Variants in DLC1 observed in about 807,000 individuals in gnomAD.
DLC1 encodes the protein rho GTPase-activating protein 7.
In DLC1, 54 loss-of-function variants were observed where a neutral mutation model predicts 140.3. That is an observed-to-expected ratio of 0.38 (90% CI 0.31 to 0.48). DLC1 has a LOEUF of 0.48. Ranked by LOEUF, DLC1 falls within the 20% of genes least tolerant of loss-of-function variation. DLC1 has a pLI of 0.96. For missense variants in DLC1, 2,536 were observed against 1,907.0 expected, an observed-to-expected ratio of 1.33 and a Z score of -6.14; for synonymous variants, 986 against 728.1, an observed-to-expected ratio of 1.35 and a Z score of -5.70.
chr8:13,522,022 AG>A lies in DLC1; in HGVS notation c.-125-21827del, dbSNP rs570814797. Among the ~76,000 whole-genome samples, 5 of 152,274 alleles carry A rather than the reference AG, an allele frequency of 3.3e-5. No individual in the cohort carries two copies. In the East Asian group the frequency reaches 9.7e-4, roughly 30 times the overall value. ...TTCCATTTGAAAGGAAAGACGGAGA[AG>A]GGTACATTTGTACTTTAACAGAAAT... On this transcript the variant is annotated intron_variant, in intron 1 of 1. Coordinates refer to the DLC1 transcript ENST00000631382.
In DLC1 at chr8:13,558,329, C is replaced by G. The variant is rs969407707; in HGVS notation, c.-126+46208G>C. The stretch of plus-strand genomic sequence containing the variant: ...GCTTGGAGAAGGGATTGAAGAGAAG[C>G]CGCCAGTTTGGGGATGTGTAGTTAT... On this transcript the variant is annotated intron_variant, in intron 1 of 1. Transcript: ENST00000631382. 5 of 152,092 alleles carry G rather than the reference C, an allele frequency of 3.3e-5. No individual in the cohort carries two copies. The South Asian group carries it at 1.0e-3, about 32-fold the overall frequency. 9.4% of individuals were successfully genotyped at this position (152,092 alleles called of 1,614,324 possible).
chr8:13,162,433 C>G (rs1824775036), intron 5 of DLC1, among the ~76,000 whole-genome samples: 1 of 152,168 alleles, frequency 6.6e-6, no homozygotes, highest in African/African-American at 2.4e-5. Flanking sequence ...AGAGATTTTC[C>G]TGCCTCAGCC....
At position 13,541,895 on chromosome 8, in the gene DLC1, A is replaced by C. The variant is rs897027995; in HGVS notation, c.-125-41699T>G. On this transcript the variant is annotated intron_variant, in intron 1 of 1. Coordinates refer to the DLC1 transcript ENST00000631382. ...TATTCTTTGGTGTAGTGTCAATCAA[A>C]TATTTTACCCAATTTTCTACTTGGG... is the stretch of plus-strand genomic sequence containing the variant. Among the ~76,000 whole-genome samples, 3 of 152,126 alleles carry C rather than the reference A, an allele frequency of 2.0e-5. No individual in the cohort carries two copies. In the East Asian group the frequency reaches 5.8e-4, roughly 29 times the overall value.
intron 2 of DLC1, among the ~76,000 whole-genome samples, chr8:13,498,239 C>G (rs1175543517): frequency 6.6e-6 from 1 of 152,198 alleles, no homozygotes; most frequent in Admixed American, 6.5e-5. Flanking sequence ...CTATAACTCA[C>G]TACAGTTTTT....
chr8:13,463,920 C>G (rs17219730), intron 2 of DLC1, among the ~76,000 whole-genome samples: 1,537 of 152,164 alleles, frequency 0.01, 12 homozygotes, highest in Non-Finnish European at 0.016. Context: ...ATTTCCTTGT[C>G]TGTAGCCCCA....
At chr8:13,248,195 C>T (rs1464087931) in intron 5 of DLC1, among the ~76,000 whole-genome samples, 1 of 152,196 alleles carries the variant, frequency 6.6e-6, no homozygotes, top group African/African-American at 2.4e-5. Context: ...CCCTTCTCTT[C>T]CCAGCCCCTT....
At chr8:13,196,753 G>A (rs1398102486) in intron 5 of DLC1, among the ~76,000 whole-genome samples, 4 of 152,198 alleles carry the variant, frequency 2.6e-5, no homozygotes, top group Non-Finnish European at 5.9e-5. Flanking sequence ...ACATACAAAT[G>A]TTGCACACCT....
At chr8:13,305,396 A>G in intron 4 of DLC1, 94 bp from the exon 5 acceptor site, 2 of 1,299,626 alleles carry the variant, frequency 1.5e-6, no homozygotes, top group Non-Finnish European at 2.1e-6. Flanking sequence ...ATGACGCAAA[A>G]ATTAAATAGA....
In DLC1 at chr8:13,091,309, A is replaced by G. The variant is rs551074291; in HGVS notation, c.3855+9T>C. On this transcript the variant is annotated intron_variant, in intron 14 of 17. Transcript: ENST00000276297. ...CTTAATAAAGGAGCCAAACTTCTCA[A>G]TTCCTTACCTGGAAAAGCTTCTTGC... 23 of 1,613,586 alleles carry G rather than the reference A, an allele frequency of 1.4e-5. No individual in the cohort carries two copies. Among genetic ancestry groups the G allele is most frequent in the Non-Finnish European group, 1.8e-5 (21 of 1,179,862 alleles).
chr8:13,598,789 G>C (rs1311960510), intron 1 of DLC1, among the ~76,000 whole-genome samples: 1 of 151,842 alleles, frequency 6.6e-6, no homozygotes, highest in East Asian at 1.9e-4. Flanking sequence ...CAACTCCCTA[G>C]TACATATTGT....
At chr8:13,123,700 T>C (rs1162772129) in intron 5 of DLC1, among the ~76,000 whole-genome samples, 3 of 152,170 alleles carry the variant, frequency 2.0e-5, no homozygotes, top group East Asian at 3.9e-4. Context: ...ACAAAACTTA[T>C]TATGTTTACT....
intron 1 of DLC1, among the ~76,000 whole-genome samples, chr8:13,535,856 A>T: frequency 6.6e-6 from 1 of 151,806 alleles, no homozygotes; most frequent in Non-Finnish European, 1.5e-5. Context: ...TCAGTATCCT[A>T]TATAGTTCCT....
chr8:13,282,915 T>C (rs1441274357), intron 5 of DLC1, among the ~76,000 whole-genome samples: 1 of 152,200 alleles, frequency 6.6e-6, no homozygotes, highest in Non-Finnish European at 1.5e-5. Context: ...AACTCACATA[T>C]TGTTTTATGT....
At chr8:13,452,346 C>G (rs1307798858) in intron 2 of DLC1, among the ~76,000 whole-genome samples, 1 of 152,060 alleles carries the variant, frequency 6.6e-6, no homozygotes, top group Admixed American at 6.6e-5. Context: ...ATAAATTAAA[C>G]ATCACACAGT....
intron 11 of DLC1, 42 bp from the exon 12 acceptor site, chr8:13,094,999 G>A: frequency 1.9e-6 from 3 of 1,613,964 alleles, no homozygotes; most frequent in Non-Finnish European, 2.5e-6. Context: ...CATTCACGTG[G>A]ACGCAGTGTT....
intron 7 of DLC1, among the ~76,000 whole-genome samples, chr8:13,105,137 C>T (rs1819454596): frequency 6.6e-6 from 1 of 152,144 alleles, no homozygotes; most frequent in African/African-American, 2.4e-5. Flanking sequence ...GGTTTAGCCT[C>T]ACAAACTCCA....
chr8:13,540,314 G>C (rs796895783), intron 1 of DLC1, among the ~76,000 whole-genome samples: 5 of 152,228 alleles, frequency 3.3e-5, no homozygotes, highest in African/African-American at 1.2e-4. Context: ...GTAAAATACT[G>C]TTATGTTTAA....
chr8:13,297,902 G>A (rs1027419246), intron 5 of DLC1, among the ~76,000 whole-genome samples: 2 of 151,830 alleles, frequency 1.3e-5, no homozygotes, highest in African/African-American at 4.8e-5. Flanking sequence ...TTATTCATTT[G>A]CATTTCCTTT....
chr8:13,505,406 G>A (rs1462886756), intron 1 of DLC1, among the ~76,000 whole-genome samples: 2 of 152,176 alleles, frequency 1.3e-5, no homozygotes, highest in East Asian at 3.9e-4. Context: ...AATATCAGAA[G>A]ACATAGCTAA....
Sources: allele counts gnomAD v4.1 joint callset (sites outside exome capture counted in the v4.1 genomes callset), GRCh38; gene constraint gnomAD v4.1.1; transcripts MANE v1.5; gene names NCBI Gene and HGNC (gene_info 2026-07-23, HGNC 2026-07-21).